ARAP3: variants seen among roughly 807,000 people sequenced by gnomAD.
ARAP3 encodes ArfGAP with RhoGAP domain, ankyrin repeat and PH domain 3, also known as arf-GAP with Rho-GAP domain, ANK repeat and PH domain-containing protein 3.
A neutral mutation model predicts 169.2 loss-of-function variants in ARAP3; 82 were observed. The observed-to-expected ratio is 0.48, with a 90% confidence interval of 0.41 to 0.58. ARAP3 has a LOEUF of 0.58. ARAP3 is among the 20% of genes least tolerant of loss of function. ARAP3 has a pLI of 0.00. For synonymous variants in ARAP3, 791 were observed against 800.3 expected (o/e 0.99, Z 0.20); for missense variants, 1,764 against 2,018.0 (o/e 0.87, Z 2.41).
chr5:141,673,794 T>A lies in ARAP3; in HGVS notation c.713A>T (p.Asp238Val), dbSNP rs772661772. 1 of 1,614,010 alleles carries A rather than the reference T, an allele frequency of 6.2e-7. No individual in the cohort carries two copies. Among genetic ancestry groups the A allele is most frequent in the South Asian group, 1.1e-5 (1 of 91,076 alleles). ...GCCAGCATCCTCCCGTGCCTCCAGA[T>A]CCTGTCTGCTGAGCCTTGTGGGGGC... ...GRAEHRLSRQDLEAREDAGYA... is the reference protein window; with the variant it reads ...GRAEHRLSRQVLEAREDAGYA... Residue 238 changes from aspartate to valine, a missense_variant, in exon 5 of 33, where the codon GAT (aspartate) becomes GTT (valine). Transcript: ENST00000239440.
intron 17 of ARAP3, 77 bp downstream of exon 17, chr5:141,666,347 C>A: frequency 7.7e-7 from 1 of 1,304,932 alleles, no homozygotes; most frequent in Non-Finnish European, 1.0e-6. Flanking sequence ...CATAAGAACC[C>A]CCAAATAATA....
At chr5:141,668,917 C>T (rs893184188) in intron 16 of ARAP3, among the ~76,000 whole-genome samples, 12 of 152,058 alleles carry the variant, frequency 7.9e-5, no homozygotes, top group African/African-American at 1.4e-4. Flanking sequence ...GACTTTCTGA[C>T]GCATTGTCAG....
rs144984870 is a variant in ARAP3, at chr5:141,680,424, A to G, written c.63T>C (p.Tyr21=). ...GGCCATGCCGTCGGAACGTGTCTGCATACTGCTCCAGGTGCACCGTGGCCA... is the reference window on the plus strand; with the variant it reads ...GGCCATGCCGTCGGAACGTGTCTGCGTACTGCTCCAGGTGCACCGTGGCCA... ...VWLATVHLEQ[Y]ADTFRRHGLA... The change falls in exon 2 of 33, where the codon TAT becomes TAC. Residue 21 remains tyrosine (Y), a synonymous_variant. Transcript: ENST00000239440. 9.1e-5 allele frequency: 146 copies of G among 1,612,832 alleles called. No homozygotes were observed. In the African/African-American group the frequency reaches 1.6e-3, roughly 18 times the overall value.
Position 141,671,949 on chromosome 5 carries a change from G to A in ARAP3, c.1617C>T (p.Ser539=), listed in dbSNP as rs1479555352. Residue 539 remains serine, a synonymous_variant, in exon 11 of 33, where the codon TCC becomes TCT. Coordinates refer to ENST00000239440, the MANE Select transcript of ARAP3 (RefSeq NM_022481.6). This position sits in a 1 kb window ranked among gnomAD's most constrained non-coding sequence, Gnocchi z 4.9. ...TGTCCAGCTTCAGGCTCTGCACCTT[G>A]GAGATCCCAGAACCCAGGGCCCGGT... The part of the protein sequence containing the change: ...GQHRALGSGI[S]KVQSLKLDTS... The A allele has an allele frequency of 3.7e-6, 6 of 1,614,028 alleles. No homozygotes were observed. The Admixed American group carries it at 1.0e-4, about 27-fold the overall frequency.
chr5:141,656,385 G>C (rs1001228317), intron 27 of ARAP3, 109 bp from the exon 28 acceptor site: 1 of 1,594,776 alleles, frequency 6.3e-7, no homozygotes, highest in Non-Finnish European at 8.6e-7. Flanking sequence ...CACAGAAGTC[G>C]GGGGCAGGGA....
chr5:141,658,333 A>G (rs1458375290), intron 25 of ARAP3, 32 bp downstream of exon 25: 1 of 1,604,466 alleles, frequency 6.2e-7, no homozygotes, highest in Admixed American at 1.7e-5. Flanking sequence ...GCATATACAC[A>G]TGCATGAACA....
chr5:141,680,462 T>C lies in ARAP3; in HGVS notation c.25A>G (p.Ile9Val), dbSNP rs989180943. Residue 9 changes from isoleucine (I) to valine (V), a missense_variant, in exon 2 of 33, where the codon ATC becomes GTC. Ile to Val is a conservative substitution (Grantham distance 29, BLOSUM62 3). Transcript: ENST00000239440. MAAPQDLD[I>V]AVWLATVHLE... ...TGCACCGTGGCCAGCCACACAGCGA[T>C]GTCCAGGTCCTGAGGGGCAGCCATG... 1.2e-6 allele frequency: 2 copies of C among 1,604,708 alleles called. No homozygotes were observed. The highest frequency in any genetic ancestry group is 1.1e-5 in the South Asian group (1 of 90,902).
intron 21 of ARAP3, among the ~76,000 whole-genome samples, chr5:141,661,045 TTTTTTTCCTTTTTTC>T (rs2099909895): frequency 1.3e-5 from 2 of 151,978 alleles, no homozygotes. Context: ...TTTTGTTCTT[TTTTTTTCCTTTTTTC>T]TTTTTTCTTT....
chr5:141,664,823 T>C (rs1294515852), intron 19 of ARAP3, 99 bp downstream of exon 19: 7 of 1,354,280 alleles, frequency 5.2e-6, no homozygotes, highest in Non-Finnish European at 7.0e-6. Context: ...TCTTCCAGGC[T>C]GTGCTCACGT....
chr5:141,657,916 A>C (rs929180835), intron 25 of ARAP3, among the ~76,000 whole-genome samples: 7 of 152,094 alleles, frequency 4.6e-5, no homozygotes, highest in African/African-American at 1.7e-4. Context: ...GGAGGTGTTG[A>C]GTAGGCATTT....
rs1440432325 is a variant in ARAP3, at chr5:141,662,197, G to A, written c.2859C>T (p.Leu953=). Residue 953 remains leucine, a synonymous_variant, in exon 20 of 33, where the codon CTC becomes CTT. Coordinates refer to ENST00000239440, the MANE Select transcript of ARAP3 (RefSeq NM_022481.6). Reference sequence around the variant, plus strand: ...GGGCATCCCGACGGAACTCAGCCAGGAGTCTCAGGCTGCGGGCACGAGCGC... The same window carrying A: ...GGGCATCCCGACGGAACTCAGCCAGAAGTCTCAGGCTGCGGGCACGAGCGC... ...KGGARARSLR[L]LAEFRRDARS... The A allele has an allele frequency of 6.2e-7, 1 of 1,614,096 alleles. No individual in the cohort carries two copies. Among genetic ancestry groups the A allele is most frequent in the Non-Finnish European group, 8.5e-7 (1 of 1,180,048 alleles).
chr5:141,653,951 C>T lies in ARAP3; in HGVS notation c.4634G>A (p.Ter1545=). 1 of 1,526,106 alleles carries T rather than the reference C, an allele frequency of 6.6e-7. No individual in the cohort carries two copies. The highest frequency in any genetic ancestry group is 8.8e-7 in the Non-Finnish European group (1 of 1,138,436). 94.5% of individuals were successfully genotyped at this position (1,526,106 alleles called of 1,614,324 possible). A position where few individuals can be genotyped will look rare whatever the true frequency, so the allele number is the denominator to read the frequency against. The change falls in exon 33 of 33, where the codon TGA becomes TAA. Residue 1545 remains the stop codon, a stop_retained_variant. Transcript: ENST00000239440. ...CCTCTCAGACTGCTGGTCCTAGGGT[C>T]ATGTGAGGGGCTGGCTGGAGGGTGG... The part of the protein sequence containing the change: ...SSPPSSQPLT[*]
intron 20 of ARAP3, 80 bp from the exon 21 acceptor site, chr5:141,661,869 C>A: frequency 6.6e-7 from 1 of 1,509,426 alleles, no homozygotes; most frequent in Non-Finnish European, 9.2e-7. Context: ...GATTTTTAGG[C>A]ACAAATGCAG....
In ARAP3 at chr5:141,673,694, G is replaced by A. The variant is rs376092086; in HGVS notation, c.813C>T (p.Asp271=). 6.2e-7 allele frequency: 1 copy of A among 1,614,112 alleles called. No individual in the cohort carries two copies. Among genetic ancestry groups the A allele is most frequent in the African/African-American group, 1.3e-5 (1 of 74,934 alleles). The part of the protein sequence containing the change: ...PTLETEETSD[D]LISPYASFSF... ...AGAAGCTGGCATAGGGTGAAATGAGGTCATCACTGGTCTCCTCTGTTTCCA... is the reference window on the plus strand; with the variant it reads ...AGAAGCTGGCATAGGGTGAAATGAGATCATCACTGGTCTCCTCTGTTTCCA... Residue 271 remains aspartate (D), a synonymous_variant, in exon 5 of 33, where the codon GAC becomes GAT. Transcript: ENST00000239440.
At chr5:141,659,058 TTTA>T (rs1251260731) in intron 23 of ARAP3, among the ~76,000 whole-genome samples, 1 of 152,210 alleles carries the variant, frequency 6.6e-6, no homozygotes, top group Admixed American at 6.5e-5. Context: ...TGCTATTATA[TTTA>T]TTATTATTAT....
chr5:141,675,531 C>A (rs2099912056), intron 4 of ARAP3, among the ~76,000 whole-genome samples: 1 of 151,948 alleles, frequency 6.6e-6, no homozygotes. Flanking sequence ...CCAGCCTGGG[C>A]AATATGGTGA....
In ARAP3 at chr5:141,671,820, C is replaced by T. The variant is rs531418751; in HGVS notation, c.1672-68G>A. On this transcript the variant is annotated intron_variant, in intron 11 of 32. Coordinates refer to ENST00000239440, the MANE Select transcript of ARAP3 (RefSeq NM_022481.6). This position sits in a 1 kb window ranked among gnomAD's most constrained non-coding sequence, Gnocchi z 4.9. ...GAGTCCTCAGATGTTCCATTCCTGT[C>T]CCCAGGCTGGCCCAAGGCCTGCTTC... 3.1e-6 allele frequency: 5 copies of T among 1,610,290 alleles called. No homozygotes were observed. The African/African-American group carries it at 4.0e-5, about 13-fold the overall frequency.
intron 21 of ARAP3, among the ~76,000 whole-genome samples, chr5:141,660,349 C>T (rs1003862453): frequency 6.6e-6 from 1 of 151,814 alleles, no homozygotes; most frequent in East Asian, 1.9e-4. Flanking sequence ...AAAAAATTAG[C>T]CGGGCGTGAT....
chr5:141,658,600 T>G lies in ARAP3; in HGVS notation c.3390A>C (p.Pro1130=). 1 of 1,613,028 alleles carries G rather than the reference T, an allele frequency of 6.2e-7. No homozygotes were observed. The highest frequency in any genetic ancestry group is 8.5e-7 in the Non-Finnish European group (1 of 1,179,774). ...CAACCTTCAGGGTGACACAGTTGTC[T>G]GGGAGCTGCTGCTCTATATAAACTT... ...IMEVYIEQQL[P]DNCVTLKVSP... Residue 1130 remains proline, a synonymous_variant, in exon 24 of 33, where the codon CCA becomes CCC. Transcript: ENST00000239440.
Sources: gnomAD v4.1 joint callset for allele counts (sites outside exome capture counted in the v4.1 genomes callset) on GRCh38, gnomAD v4.1.1 for gene constraint, Gnocchi (gnomAD v3.1) non-coding constraint, MANE v1.5 for transcripts, NCBI Gene and HGNC (gene_info 2026-07-23, HGNC 2026-07-21) for gene names.